The following PDZD2 variants were observed in gnomAD, a reference collection of about 807,000 sequenced individuals.
PDZD2 encodes the protein PDZ domain-containing protein 2.
PDZD2 carries 90 observed loss-of-function variants against 220.7 expected under a neutral mutation model. The ratio of observed to expected loss-of-function variants is 0.41; its 90% CI spans 0.34 to 0.49. The LOEUF (loss-of-function observed/expected upper bound fraction) is 0.49. Among genes scored for constraint, PDZD2 ranks in the 20% least tolerant of loss-of-function variants. PDZD2 has a pLI of 0.28. For synonymous variants in PDZD2, 1,375 were observed against 1,450.5 expected (o/e 0.95, Z 1.18); for missense variants, 3,174 against 3,608.5 (o/e 0.88, Z 3.08).
At chr5:31,759,991 A>G (rs1457375698) in intron 1 of PDZD2, among the ~76,000 whole-genome samples, 1 of 152,188 alleles carries the variant, frequency 6.6e-6, no homozygotes, top group African/African-American at 2.4e-5. Context: ...GCATCTTCCA[A>G]CCTCAGGACT....
chr5:31,840,417 TA>T (rs1561499035), intron 2 of PDZD2: 1,842 of 99,704 alleles, frequency 0.018, 177 homozygotes, highest in Non-Finnish European at 0.026. Context: ...TATATATATA[TA>T]TATATATATA....
intron 2 of PDZD2, among the ~76,000 whole-genome samples, chr5:31,887,234 TACAC>T (rs909041572): frequency 6.6e-6 from 1 of 152,184 alleles, no homozygotes; most frequent in African/African-American, 2.4e-5. Context: ...AAGCAGATTT[TACAC>T]ACGCACACAC....
At chr5:31,824,955 G>A (rs1756125129) in intron 2 of PDZD2, among the ~76,000 whole-genome samples, 1 of 152,184 alleles carries the variant, frequency 6.6e-6, no homozygotes, top group Non-Finnish European at 1.5e-5. Flanking sequence ...CTCCGTGTTT[G>A]TAGAAAAACA....
intron 2 of PDZD2, among the ~76,000 whole-genome samples, chr5:31,884,760 G>T (rs149430141): frequency 0.011 from 1,716 of 152,048 alleles, 29 homozygotes; most frequent in African/African-American, 0.04. Context: ...GCTAATTTTT[G>T]TGTTTTTAGT....
At chr5:31,917,023 C>T (rs1743749695) in intron 2 of PDZD2, among the ~76,000 whole-genome samples, 1 of 152,150 alleles carries the variant, frequency 6.6e-6, no homozygotes, top group Non-Finnish European at 1.5e-5. Flanking sequence ...CAGGCACTAC[C>T]TCTTAAACAA....
chr5:31,808,352 A>C lies in PDZD2; in HGVS notation c.476+8628A>C, dbSNP rs570191201. Among the ~76,000 whole-genome samples the C allele has an allele frequency of 1.1e-4, 16 of 152,342 alleles. No homozygotes were observed. The South Asian group carries it at 3.3e-3, about 32-fold the overall frequency. ...ACCGGTTAAAACGAAAACAAGTTTC[A>C]GCATTTAAAATTCAATTATGTGGAA... On this transcript the variant is annotated intron_variant, in intron 2 of 24. Coordinates refer to ENST00000438447, the MANE Select transcript of PDZD2 (RefSeq NM_178140.4).
chr5:31,850,078 ATATATAAGTATATATACGTG>A (rs1171303604), intron 2 of PDZD2, among the ~76,000 whole-genome samples: 38 of 140,966 alleles, frequency 2.7e-4, no homozygotes, highest in Middle Eastern at 3.6e-3. Context: ...ATATATGTGT[ATATATAAGTATATATACGTG>A]TATATATAAG....
intron 1 of PDZD2, among the ~76,000 whole-genome samples, chr5:31,673,029 G>T (rs907476147): frequency 2.0e-5 from 3 of 152,180 alleles, no homozygotes; most frequent in Non-Finnish European, 4.4e-5. Context: ...TAGTGAGAAG[G>T]TTTGAGATAC....
In PDZD2 at chr5:32,073,817, C is replaced by T. The variant is rs571631614; in HGVS notation, c.2726-15C>T. On this transcript the variant is annotated splice_polypyrimidine_tract_variant and intron_variant, in intron 17 of 24. Transcript: ENST00000438447. ...GCTCAATTTCACTTGACTTTTCTGTCCCCACCTCCACCAGCTCACAAGGAG... is the reference window on the plus strand; with the variant it reads ...GCTCAATTTCACTTGACTTTTCTGTTCCCACCTCCACCAGCTCACAAGGAG... 478 of 1,576,334 alleles carry T rather than the reference C, an allele frequency of 3.0e-4. 3 individuals are homozygous for T. In the South Asian group the frequency reaches 3.3e-3, roughly 11 times the overall value.
intron 7 of PDZD2, among the ~76,000 whole-genome samples, chr5:32,043,291 T>G (rs1366441218): frequency 6.6e-6 from 1 of 152,222 alleles, no homozygotes; most frequent in African/African-American, 2.4e-5. Context: ...CCTCTCCTCC[T>G]GTGTCCTTCC....
At chr5:31,734,405 T>G (rs1749719679) in intron 1 of PDZD2, among the ~76,000 whole-genome samples, 1 of 152,142 alleles carries the variant, frequency 6.6e-6, no homozygotes, top group East Asian at 1.9e-4. Flanking sequence ...CTGCAGCCTC[T>G]GCCTCCCGGG....
chr5:31,711,243 G>A (rs556490150), intron 1 of PDZD2, among the ~76,000 whole-genome samples: 22 of 152,320 alleles, frequency 1.4e-4, no homozygotes, highest in African/African-American at 5.3e-4. Flanking sequence ...CTTTGCACCA[G>A]AATTTGCAGT....
intron 2 of PDZD2, among the ~76,000 whole-genome samples, chr5:31,924,126 G>A (rs999980081): frequency 2.0e-4 from 30 of 152,144 alleles, no homozygotes; most frequent in South Asian, 1.5e-3. Context: ...TCTCCCCACA[G>A]TTCCAAGCTC....
chr5:32,062,393 A>ATTTT lies in PDZD2; in HGVS notation c.2451+1274_2451+1277dup, dbSNP rs35709661. 2.4e-3 allele frequency among the ~76,000 whole-genome samples: 343 copies of ATTTT among 141,276 alleles called. 3 individuals carry two copies. The highest frequency in any genetic ancestry group is 8.3e-3 in the African/African-American group (315 of 38,090). The allele number at this position is 141,276 out of a possible 152,430, so 92.7% of individuals were successfully genotyped here. ...TGATAGATCAAGTCCTCAAGACTAA[A>ATTTT]TTTTTTTTTTTTTTTTTTGAGACAG... On this transcript the variant is annotated intron_variant, in intron 14 of 24. Transcript: ENST00000438447.
At chr5:31,701,129 C>T (rs114926920) in intron 1 of PDZD2, among the ~76,000 whole-genome samples, 3,355 of 152,270 alleles carry the variant, frequency 0.022, 55 homozygotes, top group Non-Finnish European at 0.035. Context: ...CACAGCGGAT[C>T]CTCCATGAAT....
intron 7 of PDZD2, among the ~76,000 whole-genome samples, chr5:32,038,285 C>CT (rs11448183): frequency 1 from 150,640 of 150,664 alleles, 75,308 homozygotes; most frequent in East Asian, 1. Flanking sequence ...AATCCCAACA[C>CT]TTGGGAGGCT....
intron 6 of PDZD2, among the ~76,000 whole-genome samples, chr5:32,024,405 G>A (rs997814159): frequency 1.3e-5 from 2 of 152,100 alleles, no homozygotes; most frequent in Admixed American, 6.5e-5. Context: ...TAACGGGGCC[G>A]GGCATGGTGG....
chr5:32,013,337 T>TA (rs1471617635), intron 6 of PDZD2, among the ~76,000 whole-genome samples: 1 of 151,846 alleles, frequency 6.6e-6, no homozygotes, highest in Non-Finnish European at 1.5e-5. Context: ...TTTTTTTTTT[T>TA]TGACATTTCC....
At chr5:31,667,659 G>A (rs996421497) in intron 1 of PDZD2, among the ~76,000 whole-genome samples, 3 of 151,692 alleles carry the variant, frequency 2.0e-5, no homozygotes, top group African/African-American at 4.8e-5. Context: ...CACGGTGATG[G>A]AATGGGACGT....
Sources: allele counts gnomAD v4.1 joint callset (sites outside exome capture counted in the v4.1 genomes callset), GRCh38; gene constraint gnomAD v4.1.1; transcripts MANE v1.5; gene names NCBI Gene and HGNC (gene_info 2026-07-23, HGNC 2026-07-21).